The following AHR variants were observed in gnomAD, a reference collection of about 807,000 sequenced individuals.
AHR encodes aryl hydrocarbon receptor.
Under a neutral mutation model 86.8 loss-of-function variants are expected in AHR, and 40 were observed. The observed-to-expected ratio is 0.46, with a 90% CI of 0.36 to 0.60. The LOEUF is 0.60. AHR is among the 20% of genes least tolerant of loss of function. The probability of loss-of-function intolerance (pLI) is 0.00; values close to 1 mark genes in which losing one functional copy is unlikely to be tolerated. For missense variants in AHR, 1,001 were observed against 1,011.6 expected, an observed-to-expected ratio of 0.99 and a Z score of 0.14; for synonymous variants, 398 against 354.9, an observed-to-expected ratio of 1.12 and a Z score of -1.37.
chr7:17,300,374 A>G (rs1414657136), intron 1 of AHR, among the ~76,000 whole-genome samples: 2 of 152,216 alleles, frequency 1.3e-5, no homozygotes, highest in Non-Finnish European at 2.9e-5. Flanking sequence ...TTCTCAGACC[A>G]AATCAGAAGT....
In AHR at chr7:17,344,078, CAAG is replaced by C. The variant is rs778820328; in HGVS notation, c.*1018_*1020del. 6.6e-6 allele frequency: 1 copy of C among 152,582 alleles called. No homozygotes were observed. Among genetic ancestry groups the C allele is most frequent in the African/African-American group, 2.4e-5 (1 of 41,442 alleles). 9.5% of individuals were successfully genotyped at this position (152,582 alleles called of 1,614,324 possible). A position where few individuals can be genotyped will look rare whatever the true frequency, so the allele number is the denominator to read the frequency against. ...AACTGCAACCTTGTTTATTAAATTGCAAGAAGCTTTATTTCTAGCTTTTTAATT... is the reference window on the plus strand; with the variant it reads ...AACTGCAACCTTGTTTATTAAATTGCAAGCTTTATTTCTAGCTTTTTAATT... On this transcript the variant is annotated 3_prime_UTR_variant, in exon 11 of 11. Coordinates refer to ENST00000242057, the MANE Select transcript of AHR (RefSeq NM_001621.5).
Position 17,339,708 on chromosome 7 carries a change from A to G in AHR, c.1883A>G (p.Lys628Arg), listed in dbSNP as rs761431871. Residue 628 changes from lysine (K) to arginine (R), a missense_variant, in exon 10 of 11, where the codon AAG (lysine) becomes AGG (arginine). Lys to Arg is a conservative substitution (Grantham distance 26). Coordinates refer to ENST00000242057, the MANE Select transcript of AHR (RefSeq NM_001621.5). ...HLEQQQQHHQ[K>R]QVVVEPQQQL... ...GAACAGCAACAGCAACATCACCAAAAGCAAGTAGTAGTGGAGCCACAGCAA... is the reference window on the plus strand; with the variant it reads ...GAACAGCAACAGCAACATCACCAAAGGCAAGTAGTAGTGGAGCCACAGCAA... The G allele has an allele frequency of 6.2e-7, 1 of 1,614,234 alleles. No homozygotes were observed. Among genetic ancestry groups the G allele is most frequent in the Non-Finnish European group, 8.5e-7 (1 of 1,180,036 alleles).
chr7:17,329,398 A>T (rs77547051), intron 4 of AHR, among the ~76,000 whole-genome samples: 3,598 of 152,026 alleles, frequency 0.024, 127 homozygotes, highest in Middle Eastern at 0.085. Flanking sequence ...ACTCTGGTTT[A>T]AGCACTAAGG....
In AHR at chr7:17,343,306, C is replaced by A; in HGVS notation, c.*242C>A. 1 of 499,388 alleles carries A rather than the reference C, an allele frequency of 2.0e-6. No homozygotes were observed. The highest frequency in any genetic ancestry group is 3.5e-6 in the Non-Finnish European group (1 of 287,240). The allele number at this position is 499,388 out of a possible 1,614,324, so 30.9% of individuals were successfully genotyped here. A position where few individuals can be genotyped will look rare whatever the true frequency, so the allele number is the denominator to read the frequency against. On this transcript the variant is annotated 3_prime_UTR_variant, in exon 11 of 11. Coordinates refer to ENST00000242057, the MANE Select transcript of AHR (RefSeq NM_001621.5). ...GGTGCTGCCACGGAGTGGTGAGGTA[C>A]CGTCTACATTTCACATTATTCTGGG...
intron 2 of AHR, among the ~76,000 whole-genome samples, chr7:17,321,721 A>T (rs2115358965): frequency 6.6e-6 from 1 of 152,108 alleles, no homozygotes; most frequent in South Asian, 2.1e-4. Flanking sequence ...ATCCACAAGC[A>T]GTTAAAAGCT....
intron 1 of AHR, among the ~76,000 whole-genome samples, chr7:17,299,971 G>T (rs1781938351): frequency 6.6e-6 from 1 of 152,168 alleles, no homozygotes; most frequent in East Asian, 1.9e-4. Context: ...ATACGGTGGA[G>T]GATTTGTATT....
At chr7:17,333,157 G>A (rs1782318402) in intron 6 of AHR, among the ~76,000 whole-genome samples, 1 of 151,860 alleles carries the variant, frequency 6.6e-6, no homozygotes, top group East Asian at 1.9e-4. Flanking sequence ...ATGTTCACAG[G>A]ATAATGAAAT....
intron 1 of AHR, among the ~76,000 whole-genome samples, chr7:17,305,300 T>C (rs182333226): frequency 6.6e-6 from 1 of 152,166 alleles, no homozygotes; most frequent in Non-Finnish European, 1.5e-5. Context: ...ATTAAGCACA[T>C]AGTTTATGAT....
chr7:17,338,170 G>A (rs1295793351), intron 9 of AHR, among the ~76,000 whole-genome samples: 6 of 148,480 alleles, frequency 4.0e-5, no homozygotes, highest in African/African-American at 1.2e-4. Flanking sequence ...CTGCACTCCA[G>A]CCTGGGCGAC....
intron 2 of AHR, among the ~76,000 whole-genome samples, chr7:17,313,485 T>C (rs1015570853): frequency 2.0e-5 from 3 of 152,146 alleles, no homozygotes; most frequent in Non-Finnish European, 2.9e-5. Context: ...AATAGATATT[T>C]TTCCAAGAAA....
intron 10 of AHR, among the ~76,000 whole-genome samples, chr7:17,341,759 A>G (rs1013929500): frequency 6.6e-6 from 1 of 152,168 alleles, no homozygotes; most frequent in Non-Finnish European, 1.5e-5. Context: ...TACAAAAGTA[A>G]AAAGAAACAG....
chr7:17,339,991 G>T lies in AHR; in HGVS notation c.2166G>T (p.Gly722=), dbSNP rs373271883. The change falls in exon 10 of 11, where the codon GGG becomes GGT. Residue 722 remains glycine, a synonymous_variant. Transcript: ENST00000242057. ...GTACAGAGCTGGACTACCCTATGGG[G>T]AGTTTTGAACCATCCCCATACCCCA... ...SKCTELDYPM[G]SFEPSPYPTT... The T allele has an allele frequency of 6.2e-7, 1 of 1,614,060 alleles. No individual in the cohort carries two copies. The highest frequency in any genetic ancestry group is 1.3e-5 in the African/African-American group (1 of 74,920).
intron 2 of AHR, among the ~76,000 whole-genome samples, chr7:17,311,900 C>T (rs911664427): frequency 3.3e-5 from 5 of 152,172 alleles, no homozygotes; most frequent in Non-Finnish European, 7.3e-5. Flanking sequence ...TGGGAACCTT[C>T]GCATAGGAAA....
rs1383572891 is a variant in AHR, at chr7:17,339,174, C to G, written c.1349C>G (p.Ser450Cys). ...ACCACATCCACTCTAAGCAAGGACT[C>G]TCTCAATCCTAGTTCCCTCCTGGCT... ...SATTSTLSKD[S>C]LNPSSLLAAM... Residue 450 changes from serine (S) to cysteine (C), a missense_variant, in exon 10 of 11, where the codon TCT becomes TGT. Ser to Cys is a moderately radical substitution (Grantham distance 112, BLOSUM62 -1). Around this residue, in one of 2 missense-constraint regions of AHR, gnomAD observed 607 missense variants for 543.1 expected, o/e 1.12. Coordinates refer to ENST00000242057, the MANE Select transcript of AHR (RefSeq NM_001621.5). 1.2e-6 allele frequency: 2 copies of G among 1,614,198 alleles called. No homozygotes were observed. The highest frequency in any genetic ancestry group is 1.7e-6 in the Non-Finnish European group (2 of 1,180,032).
intron 10 of AHR, 145 bp downstream of exon 10, chr7:17,340,373 C>CT (rs943034312): frequency 0.033 from 28,803 of 885,980 alleles, 2 homozygotes; most frequent in East Asian, 0.048. Context: ...CTGTGACTAC[C>CT]TTTTTTTTTT....
At chr7:17,325,227 T>C (rs1490443441) in intron 3 of AHR, among the ~76,000 whole-genome samples, 3 of 152,220 alleles carry the variant, frequency 2.0e-5, no homozygotes, top group Admixed American at 6.5e-5. Context: ...TATATAAAAA[T>C]TGATGTGCAT....
intron 9 of AHR, among the ~76,000 whole-genome samples, chr7:17,337,767 G>A (rs537369533): frequency 3.3e-5 from 5 of 151,716 alleles, no homozygotes; most frequent in Admixed American, 1.3e-4. Flanking sequence ...GAGCCACCGC[G>A]CCCGGCCCTT....
At chr7:17,301,415 T>C (rs1355032497) in intron 1 of AHR, among the ~76,000 whole-genome samples, 1 of 151,952 alleles carries the variant, frequency 6.6e-6, no homozygotes, top group Non-Finnish European at 1.5e-5. Flanking sequence ...CATGCCAACA[T>C]TGGGGAAAAT....
chr7:17,323,888 A>G (rs1042467528), intron 3 of AHR, among the ~76,000 whole-genome samples: 3 of 152,210 alleles, frequency 2.0e-5, no homozygotes, highest in Admixed American at 6.5e-5. Context: ...AATAATTGCT[A>G]TTTAAGATGA....
Sources: allele counts gnomAD v4.1 joint callset (sites outside exome capture counted in the v4.1 genomes callset), GRCh38; gene constraint gnomAD v4.1.1; regional missense constraint gnomAD v4.1.1; transcripts MANE v1.5; gene names NCBI Gene and HGNC (gene_info 2026-07-23, HGNC 2026-07-21).